ABCB4: variants seen among roughly 807,000 people sequenced by gnomAD.
The protein encoded by ABCB4 is ATP binding cassette subfamily B member 4.
ABCB4 carries 76 observed loss-of-function variants against 145.7 expected under a neutral mutation model. That is an observed-to-expected ratio of 0.52 (90% CI 0.43 to 0.63). The LOEUF (loss-of-function observed/expected upper bound fraction) is 0.63. Among genes scored for constraint, ABCB4 ranks in the 30% least tolerant of loss-of-function variants. The pLI is 0.00. For synonymous variants in ABCB4, 517 were observed against 566.8 expected, an observed-to-expected ratio of 0.91 and a Z score of 1.25; for missense variants, 1,234 against 1,553.1, an observed-to-expected ratio of 0.79 and a Z score of 3.45.
At chr7:87,465,028 G>A (rs1027422790) in intron 3 of ABCB4, among the ~76,000 whole-genome samples, 6 of 152,210 alleles carry the variant, frequency 3.9e-5, no homozygotes, top group African/African-American at 1.4e-4. Flanking sequence ...GACAGTGGGT[G>A]CAGGACAGTA....
Position 87,406,313 on chromosome 7 carries a change from T to C in ABCB4, c.3461A>G (p.His1154Arg). ...GTGGGGTAACGTCTCGATGAAAGGA[T>C]GTATGTTGGCAGCTTTGGCTGCACT... Reference protein sequence around the residue: ...IVSAAKAANIHPFIETLPHKY... With the variant: ...IVSAAKAANIRPFIETLPHKY... The change falls in exon 26 of 28, where the codon CAT (histidine) becomes CGT (arginine). Residue 1154 changes from histidine (H) to arginine (R), a missense_variant. Around this residue, in one of 7 missense-constraint regions of ABCB4, gnomAD observed 301 missense variants for 389.0 expected, o/e 0.77. Transcript: ENST00000649586. The C allele has an allele frequency of 6.2e-7, 1 of 1,614,176 alleles. No individual in the cohort carries two copies. The highest frequency in any genetic ancestry group is 8.5e-7 in the Non-Finnish European group (1 of 1,180,000).
At chr7:87,392,164 A>G in the ABCB4 span, among the ~76,000 whole-genome samples, 457 of 152,180 alleles carry the variant, frequency 3.0e-3, 2 homozygotes, top group Non-Finnish European at 2.6e-3. Flanking sequence ...TTTCCTTCTC[A>G]CTGTTATTTT....
At chr7:87,408,512 A>C (rs1175876956) in intron 24 of ABCB4, among the ~76,000 whole-genome samples, 1 of 152,208 alleles carries the variant, frequency 6.6e-6, no homozygotes, top group Non-Finnish European at 1.5e-5. Flanking sequence ...AGCTTTCCCA[A>C]CTGCTTATTC....
intron 20 of ABCB4, 49 bp downstream of exon 20, chr7:87,418,488 C>G: frequency 6.5e-7 from 1 of 1,546,514 alleles, no homozygotes; most frequent in East Asian, 2.2e-5. Flanking sequence ...ACATGCTTAT[C>G]TAAAACCATG....
rs1244938525 is a variant in ABCB4, at chr7:87,439,846, GAA to G, written c.1561-11_1561-10del. The G allele has an allele frequency of 6.2e-7, 1 of 1,614,150 alleles. No individual in the cohort carries two copies. Among genetic ancestry groups the G allele is most frequent in the Non-Finnish European group, 8.5e-7 (1 of 1,180,016 alleles). On this transcript the variant is annotated splice_polypyrimidine_tract_variant and intron_variant, in intron 13 of 27. Coordinates refer to ENST00000649586, the MANE Select transcript of ABCB4 (RefSeq NM_000443.4). Reference sequence around the variant, plus strand: ...ACCAGGGTGTCAAATTTCTAACACAGAAAACATGGATCAGCTCTTGAAGTAAC... The same window carrying G: ...ACCAGGGTGTCAAATTTCTAACACAGAACATGGATCAGCTCTTGAAGTAAC...
the ABCB4 span, among the ~76,000 whole-genome samples, chr7:87,388,829 G>T: frequency 1.3e-5 from 2 of 152,138 alleles, no homozygotes; most frequent in African/African-American, 4.8e-5. Context: ...TATCATCAGA[G>T]TGAACAGGCA....
chr7:87,400,531 A>G (rs368125924), downstream of ABCB4, among the ~76,000 whole-genome samples: 25 of 152,358 alleles, frequency 1.6e-4, 1 homozygote, highest in African/African-American at 6.0e-4. Context: ...CACAGTTGGT[A>G]TAGAAAAGGA....
chr7:87,394,484 A>G, the ABCB4 span, among the ~76,000 whole-genome samples: 1 of 152,190 alleles, frequency 6.6e-6, no homozygotes, highest in East Asian at 1.9e-4. Flanking sequence ...CTTGATAAGT[A>G]TCATAGATTG....
intron 10 of ABCB4, among the ~76,000 whole-genome samples, chr7:87,444,480 T>C (rs1229142854): frequency 1.3e-5 from 2 of 152,188 alleles, no homozygotes; most frequent in Admixed American, 6.5e-5. Flanking sequence ...CAGCAAAATA[T>C]ACTGTCAATT....
In ABCB4 at chr7:87,449,993, C is replaced by G. The variant is rs551234479; in HGVS notation, c.808G>C (p.Gly270Arg). ...LGAIRTVIAF[G>R]GQNKELERYQ... ...CTTTCCAGCTCTTTGTTCTGGCCCC[C>G]GAAAGCTATCACAGTCCTGATGGCC... The change falls in exon 8 of 28, where the codon GGG (glycine) becomes CGG (arginine). Residue 270 changes from glycine to arginine, a missense_variant. By Grantham distance (125) the Gly-to-Arg change is moderately radical. Coordinates refer to ENST00000649586, the MANE Select transcript of ABCB4 (RefSeq NM_000443.4). 123 of 1,614,150 alleles carry G rather than the reference C, an allele frequency of 7.6e-5. 1 individual carries two copies. In the South Asian group the frequency reaches 1.3e-3, roughly 17 times the overall value.
At chr7:87,454,499 G>A (rs1393356073) in intron 5 of ABCB4, 36 bp downstream of exon 5, 1 of 1,476,446 alleles carries the variant, frequency 6.8e-7, no homozygotes, top group African/African-American at 1.4e-5. Context: ...ATCTTCAAAT[G>A]AAACTTTAAA....
chr7:87,466,092 A>T (rs1323731636), intron 3 of ABCB4, among the ~76,000 whole-genome samples: 1 of 152,188 alleles, frequency 6.6e-6, no homozygotes, highest in African/African-American at 2.4e-5. Context: ...CAGATGATCA[A>T]ACTTCTCTGA....
intron 20 of ABCB4, among the ~76,000 whole-genome samples, chr7:87,417,842 T>A (rs536525087): frequency 2.5e-4 from 38 of 152,326 alleles, no homozygotes; most frequent in African/African-American, 8.7e-4. Flanking sequence ...CTAACTCCAA[T>A]GTACCTGGGT....
rs183207326 is a variant in ABCB4, at chr7:87,429,373, T to G, written c.1893+2031A>C. Among the ~76,000 whole-genome samples the G allele has an allele frequency of 2.0e-5, 3 of 152,370 alleles. No individual in the cohort carries two copies. The East Asian group carries it at 5.8e-4, about 29-fold the overall frequency. ...GGTTAAATGACTTGCTCAAAGCTAT[T>G]GCCTAGTTGGTGACAGATTTCTATC... On this transcript the variant is annotated intron_variant, in intron 15 of 27. Coordinates refer to ENST00000649586, the MANE Select transcript of ABCB4 (RefSeq NM_000443.4).
chr7:87,464,955 A>T (rs1268827104), intron 3 of ABCB4, among the ~76,000 whole-genome samples: 1 of 152,216 alleles, frequency 6.6e-6, no homozygotes, highest in East Asian at 1.9e-4. Context: ...CAAGTGACAC[A>T]GATAACAGGT....
Position 87,426,823 on chromosome 7 carries a change from C to G in ABCB4, c.1991G>C (p.Arg664Thr), listed in dbSNP as rs1472566402. The G allele has an allele frequency of 1.2e-6, 2 of 1,613,972 alleles. No individual in the cohort carries two copies. Among genetic ancestry groups the G allele is most frequent in the Non-Finnish European group, 1.7e-6 (2 of 1,179,962 alleles). ...TTTAAGGTTTTTCTGAGTAGAATGC[C>G]TAAATAGGCGAGATTTCCAGCCATT... The part of the protein sequence containing the change: ...APNGWKSRLF[R>T]HSTQKNLKNS... Residue 664 changes from arginine (R) to threonine (T), a missense_variant, in exon 16 of 28, where the codon AGG becomes ACG. Physicochemically the swap from Arg to Thr is moderately conservative, Grantham distance 71. Transcript: ENST00000649586.
At chr7:87,468,921 A>G (rs1023170488) in intron 3 of ABCB4, among the ~76,000 whole-genome samples, 1 of 151,732 alleles carries the variant, frequency 6.6e-6, no homozygotes, top group African/African-American at 2.4e-5. Context: ...AAACAGCGCA[A>G]CTCCGTCTCA....
chr7:87,465,430 A>G (rs1438990812), intron 3 of ABCB4, among the ~76,000 whole-genome samples: 2 of 152,216 alleles, frequency 1.3e-5, no homozygotes. Flanking sequence ...AGCCCACCAC[A>G]GCTCAAAGAG....
chr7:87,372,387 C>T, the ABCB4 span, among the ~76,000 whole-genome samples: 1 of 151,880 alleles, frequency 6.6e-6, no homozygotes, highest in African/African-American at 2.4e-5. Flanking sequence ...GTGTGTCTTC[C>T]CATTACATGT....
Sources: allele counts gnomAD v4.1 joint callset (sites outside exome capture counted in the v4.1 genomes callset), GRCh38; gene constraint gnomAD v4.1.1; regional missense constraint gnomAD v4.1.1; transcripts MANE v1.5; gene names NCBI Gene and HGNC (gene_info 2026-07-23, HGNC 2026-07-21).